MS4A13: variants seen among roughly 807,000 people sequenced by gnomAD.
MS4A13 encodes membrane-spanning 4-domains subfamily A member 13.
Under a neutral mutation model 18.4 loss-of-function variants are expected in MS4A13, and 21 were observed. That is an observed-to-expected ratio of 1.14 (90% CI 0.81 to 1.64). The LOEUF is 1.64. Ranked by LOEUF, MS4A13 falls within the 40% of genes most tolerant of loss-of-function variation. MS4A13 has a pLI of 0.00. For missense variants in MS4A13, 173 were observed against 176.8 expected, an observed-to-expected ratio of 0.98 and a Z score of 0.12; for synonymous variants, 62 against 57.2, an observed-to-expected ratio of 1.08 and a Z score of -0.38.
chr11:60,529,487 AT>A (rs1167704615), intron 6 of MS4A13, 27 bp downstream of exon 6: 1 of 1,353,126 alleles, frequency 7.4e-7, no homozygotes, highest in Admixed American at 2.0e-5. Context: ...TCTCTGGCAA[AT>A]CAAAAGATGT....
intron 6 of MS4A13, among the ~76,000 whole-genome samples, chr11:60,539,189 CAAAA>C (rs33947026): frequency 2.1e-4 from 28 of 131,430 alleles, no homozygotes; most frequent in African/African-American, 4.5e-4. Context: ...AGTGTTGTTT[CAAAA>C]AAAAAAAAAA....
intron 3 of MS4A13, among the ~76,000 whole-genome samples, chr11:60,519,853 C>G (rs2086662033): frequency 1.3e-5 from 2 of 151,926 alleles, no homozygotes; most frequent in African/African-American, 4.8e-5. Flanking sequence ...GATTATAGAC[C>G]CAGGTGGGGT....
At position 60,542,542 on chromosome 11, in the gene MS4A13, A is replaced by C. The variant is rs764023590; in HGVS notation, c.426A>C (p.Thr142=). ...SNLFRRQNDL[T]SVTEEAESTP is the part of the protein sequence containing the mutation. ...AGTTTCGAAGACAAAATGATCTTAC[A>C]TCTGTTACTGAGGAAGCTGAGAGCA... is the stretch of plus-strand genomic sequence containing the variant. Residue 142 remains threonine, a synonymous_variant, in exon 7 of 7, where the codon ACA becomes ACC. Transcript: ENST00000378186. The C allele has an allele frequency of 6.2e-6, 10 of 1,610,808 alleles. No homozygotes were observed. Among genetic ancestry groups the C allele is most frequent in the South Asian group, 1.1e-5 (1 of 90,528 alleles).
intron 6 of MS4A13, among the ~76,000 whole-genome samples, chr11:60,532,376 G>A (rs1269718706): frequency 6.6e-6 from 1 of 152,222 alleles, no homozygotes; most frequent in Non-Finnish European, 1.5e-5. Flanking sequence ...CAAGGGGTCA[G>A]GGAGTTCCCT....
intron 2 of MS4A13, among the ~76,000 whole-genome samples, chr11:60,516,523 T>A (rs2086638546): frequency 6.6e-6 from 1 of 152,216 alleles, no homozygotes; most frequent in Non-Finnish European, 1.5e-5. Context: ...TGAATTTGAA[T>A]GTTGCATAGA....
intron 6 of MS4A13, among the ~76,000 whole-genome samples, chr11:60,541,635 C>T (rs779750507): frequency 7.2e-5 from 11 of 151,980 alleles, no homozygotes; most frequent in Non-Finnish European, 1.5e-4. Flanking sequence ...ATCTAAAAGT[C>T]AAAATGACCA....
At chr11:60,515,632 GC>G (rs967729171) in intron 1 of MS4A13, 25 bp downstream of exon 1, 3 of 152,232 alleles carry the variant, frequency 2.0e-5, no homozygotes, top group African/African-American at 7.2e-5. Context: ...TTGCTGGAGT[GC>G]TTTCGTGTCA....
At chr11:60,524,979 T>G (rs936918998) in intron 4 of MS4A13, among the ~76,000 whole-genome samples, 5 of 152,200 alleles carry the variant, frequency 3.3e-5, no homozygotes, top group African/African-American at 1.2e-4. Flanking sequence ...ACAATATGTT[T>G]TAGCCTAAAT....
chr11:60,539,642 A>G (rs2086840328), intron 6 of MS4A13, among the ~76,000 whole-genome samples: 1 of 152,168 alleles, frequency 6.6e-6, no homozygotes, highest in Admixed American at 6.5e-5. Flanking sequence ...AATAAACACA[A>G]AGAGATCCTC....
rs761929615 is a variant in MS4A13, at chr11:60,542,613, C to G, written c.*38C>G. 1 of 1,364,938 alleles carries G rather than the reference C, an allele frequency of 7.3e-7. No homozygotes were observed. The highest frequency in any genetic ancestry group is 1.0e-6 in the Non-Finnish European group (1 of 962,250). 84.6% of individuals were successfully genotyped at this position (1,364,938 alleles called of 1,614,324 possible). On this transcript the variant is annotated 3_prime_UTR_variant, in exon 7 of 7. Transcript: ENST00000378186. ...TATGAGAATTTTGCTGTTGCTGATG[C>G]CTGGTGTGGGTCCTAATGATATCTC...
rs370777323 is a variant in MS4A13, at chr11:60,523,966, G to A, written c.186+13G>A. ...GACTCGATCTGGAGTAAGTTGAAAT[G>A]TTTGAGGTATCTCTAGAAATCACTT... On this transcript the variant is annotated intron_variant, in intron 4 of 6. Coordinates refer to ENST00000378186, the MANE Select transcript of MS4A13 (RefSeq NM_001012417.3). 28 of 1,475,630 alleles carry A rather than the reference G, an allele frequency of 1.9e-5. No individual in the cohort carries two copies. The South Asian group carries it at 2.8e-4, about 15-fold the overall frequency. The allele number at this position is 1,475,630 out of a possible 1,614,324, so 91.4% of individuals were successfully genotyped here.
At chr11:60,532,319 C>T (rs576965448) in intron 6 of MS4A13, among the ~76,000 whole-genome samples, 5 of 152,256 alleles carry the variant, frequency 3.3e-5, no homozygotes, top group South Asian at 2.1e-4. Flanking sequence ...GTGCACGCAC[C>T]GTGCGCGAGC....
intron 5 of MS4A13, among the ~76,000 whole-genome samples, chr11:60,525,886 A>G (rs1475869188): frequency 1.6e-5 from 2 of 125,608 alleles, no homozygotes; most frequent in East Asian, 2.7e-4. Flanking sequence ...TATTTTAATT[A>G]TATTGGCTTT....
intron 5 of MS4A13, among the ~76,000 whole-genome samples, chr11:60,527,605 G>A (rs1475362331): frequency 1.3e-5 from 2 of 152,188 alleles, no homozygotes; most frequent in East Asian, 3.9e-4. Flanking sequence ...GAAGGCCAAG[G>A]CAGGCGGATC....
chr11:60,522,209 TA>T (rs2086679354), intron 3 of MS4A13, among the ~76,000 whole-genome samples: 1 of 39,824 alleles, frequency 2.5e-5, no homozygotes, highest in African/African-American at 5.3e-5. Context: ...GATAGATAGA[TA>T]GATAGATAGA....
Position 60,525,152 on chromosome 11 carries a change from T to A in MS4A13, c.187-55T>A. 13 of 1,388,854 alleles carry A rather than the reference T, an allele frequency of 9.4e-6. No individual in the cohort carries two copies. In the South Asian group the frequency reaches 1.6e-4, roughly 17 times the overall value. 86.0% of individuals were successfully genotyped at this position (1,388,854 alleles called of 1,614,324 possible). The stretch of plus-strand genomic sequence containing the variant: ...GAGTTTTTTCAGCAATGCAAACTAT[T>A]ACACCAAAATGTTTATTCTGAATAT... On this transcript the variant is annotated intron_variant, in intron 4 of 6. Transcript: ENST00000378186.
intron 6 of MS4A13, among the ~76,000 whole-genome samples, chr11:60,540,568 G>A (rs144454371): frequency 1.5e-3 from 225 of 152,270 alleles, no homozygotes; most frequent in African/African-American, 5.1e-3. Flanking sequence ...TGCTTATTTA[G>A]TGATTAAGCA....
intron 4 of MS4A13, among the ~76,000 whole-genome samples, chr11:60,524,556 C>G (rs2086699583): frequency 6.6e-6 from 1 of 152,084 alleles, no homozygotes; most frequent in Non-Finnish European, 1.5e-5. Flanking sequence ...TTTCTACAAG[C>G]AGTCATTTTC....
chr11:60,523,487 A>G (rs10897079), intron 3 of MS4A13, among the ~76,000 whole-genome samples: 25,035 of 152,200 alleles, frequency 0.16, 2,299 homozygotes, highest in East Asian at 0.27. Context: ...AGATTCTTGA[A>G]CCACTTTTTC....
Sources: gnomAD v4.1 joint callset for allele counts (sites outside exome capture counted in the v4.1 genomes callset) on GRCh38, gnomAD v4.1.1 for gene constraint, MANE v1.5 for transcripts, NCBI Gene and HGNC (gene_info 2026-07-23, HGNC 2026-07-21) for gene names.